PLCB1: variants seen among roughly 807,000 people sequenced by gnomAD.
The protein encoded by PLCB1 is 1-phosphatidylinositol 4,5-bisphosphate phosphodiesterase beta-1.
Under a neutral mutation model 161.8 loss-of-function variants are expected in PLCB1, and 46 were observed. The ratio of observed to expected loss-of-function variants is 0.28; its 90% CI spans 0.22 to 0.36. PLCB1 has a LOEUF of 0.36. PLCB1 is among the 10% of genes least tolerant of loss of function. The probability of loss-of-function intolerance (pLI) is 1.00; values close to 1 mark genes in which losing one functional copy is unlikely to be tolerated. For synonymous variants in PLCB1, 517 were observed against 503.7 expected, an observed-to-expected ratio of 1.03 and a Z score of -0.35; for missense variants, 1,016 against 1,472.5, an observed-to-expected ratio of 0.69 and a Z score of 5.07.
intron 26 of PLCB1, among the ~76,000 whole-genome samples, chr20:8,767,747 A>G (rs1982416612): frequency 6.6e-6 from 1 of 152,180 alleles, no homozygotes; most frequent in Non-Finnish European, 1.5e-5. Context: ...CAGTTCTGGA[A>G]TAGCATTTCA....
At chr20:8,239,864 G>A (rs1244810835) in intron 2 of PLCB1, among the ~76,000 whole-genome samples, 2 of 151,906 alleles carry the variant, frequency 1.3e-5, no homozygotes, top group East Asian at 3.9e-4. Context: ...TGATTTGGAG[G>A]CTGTGTTAAA....
chr20:8,707,663 A>T (rs1337210184), intron 11 of PLCB1, among the ~76,000 whole-genome samples: 1 of 152,202 alleles, frequency 6.6e-6, no homozygotes, highest in Non-Finnish European at 1.5e-5. Context: ...ATTCCCAGAA[A>T]ATCAATCAAG....
At chr20:8,156,580 G>A (rs1370818939) in intron 2 of PLCB1, among the ~76,000 whole-genome samples, 1 of 152,122 alleles carries the variant, frequency 6.6e-6, no homozygotes, top group Non-Finnish European at 1.5e-5. Context: ...TTTATTTGAA[G>A]CCAAGTCTGA....
intron 27 of PLCB1, among the ~76,000 whole-genome samples, chr20:8,783,137 A>C (rs62198264): frequency 0.48 from 49,199 of 102,840 alleles, 8,471 homozygotes; most frequent in East Asian, 0.57. Flanking sequence ...AAACCAGCAA[A>C]AAGTAATTGA....
intron 3 of PLCB1, among the ~76,000 whole-genome samples, chr20:8,441,918 A>G (rs1369975882): frequency 6.6e-6 from 1 of 152,248 alleles, no homozygotes; most frequent in Admixed American, 6.5e-5. Flanking sequence ...GTATCAAGAT[A>G]AATAAATATA....
chr20:8,795,693 T>C (rs1158184128), intron 31 of PLCB1, among the ~76,000 whole-genome samples: 1 of 152,074 alleles, frequency 6.6e-6, no homozygotes, highest in Admixed American at 6.5e-5. Context: ...GTAGGAAACA[T>C]GGGGAAACCC....
At chr20:8,719,027 G>A (rs772625501) in intron 14 of PLCB1, among the ~76,000 whole-genome samples, 9 of 152,084 alleles carry the variant, frequency 5.9e-5, no homozygotes, top group Non-Finnish European at 1.2e-4. Context: ...GATTGCTGTG[G>A]TTGATGAGAA....
chr20:8,589,608 CT>C (rs1431730398), intron 3 of PLCB1, among the ~76,000 whole-genome samples: 2 of 131,318 alleles, frequency 1.5e-5, no homozygotes, highest in Non-Finnish European at 3.2e-5. Flanking sequence ...GTCAATCTCT[CT>C]CTTTTTTTTT....
intron 9 of PLCB1, among the ~76,000 whole-genome samples, chr20:8,671,559 A>C (rs574903652): frequency 6.6e-6 from 1 of 152,224 alleles, no homozygotes; most frequent in Non-Finnish European, 1.5e-5. Flanking sequence ...CCTCTGCCAG[A>C]TGGGTCATTT....
chr20:8,785,668 G>A (rs1381978040), intron 27 of PLCB1, among the ~76,000 whole-genome samples: 1 of 152,148 alleles, frequency 6.6e-6, no homozygotes, highest in African/African-American at 2.4e-5. Flanking sequence ...ACTGACAGTG[G>A]TGTGGAGCCT....
At chr20:8,401,841 C>T (rs1978566665) in intron 3 of PLCB1, among the ~76,000 whole-genome samples, 1 of 152,186 alleles carries the variant, frequency 6.6e-6, no homozygotes, top group Non-Finnish European at 1.5e-5. Flanking sequence ...TTCAAGGAGG[C>T]TGGGACATAC....
At chr20:8,568,766 T>G (rs191818157) in intron 3 of PLCB1, among the ~76,000 whole-genome samples, 20 of 152,246 alleles carry the variant, frequency 1.3e-4, no homozygotes, top group Non-Finnish European at 2.5e-4. Context: ...GATGGCTCTC[T>G]TAAGGTGGAT....
chr20:8,774,244 T>C (rs1312108158), intron 26 of PLCB1, among the ~76,000 whole-genome samples: 2 of 141,036 alleles, frequency 1.4e-5, no homozygotes, highest in African/African-American at 5.3e-5. Context: ...GACACTGTTT[T>C]TCCCAAACGG....
At chr20:8,557,156 A>T (rs1985991802) in intron 3 of PLCB1, among the ~76,000 whole-genome samples, 1 of 151,834 alleles carries the variant, frequency 6.6e-6, no homozygotes, top group South Asian at 2.1e-4. Flanking sequence ...TCAAAAATAA[A>T]CATAGAGTTA....
chr20:8,780,046 A>T (rs1374434957), intron 27 of PLCB1, among the ~76,000 whole-genome samples: 1 of 152,190 alleles, frequency 6.6e-6, no homozygotes, highest in East Asian at 1.9e-4. Flanking sequence ...CCAGGTAAGG[A>T]CTTTTGCTCC....
intron 27 of PLCB1, among the ~76,000 whole-genome samples, chr20:8,787,350 G>T (rs1983538867): frequency 6.6e-6 from 1 of 152,194 alleles, no homozygotes; most frequent in African/African-American, 2.4e-5. Context: ...CAGTGAGCAG[G>T]CCCGTTGCAG....
chr20:8,160,564 A>G (rs910068335), intron 2 of PLCB1, among the ~76,000 whole-genome samples: 3 of 152,168 alleles, frequency 2.0e-5, no homozygotes, highest in African/African-American at 7.2e-5. Flanking sequence ...CTTCTACGGG[A>G]AACTCCCATT....
chr20:8,783,611 T>G lies in PLCB1; in HGVS notation c.3112-4838T>G, dbSNP rs142623199. On this transcript the variant is annotated intron_variant, in intron 27 of 31. Coordinates refer to ENST00000338037, the MANE Select transcript of PLCB1 (RefSeq NM_015192.4). ...CCACAGAATTCCATGCTGGACTAAC[T>G]TAGGCCAGAAGGGTATATACTAGAA... is the stretch of plus-strand genomic sequence containing the variant. Among the ~76,000 whole-genome samples the G allele has an allele frequency of 9.3e-4, 142 of 152,204 alleles. 5 individuals carry two copies. In the East Asian group the frequency reaches 0.024, roughly 26 times the overall value.
intron 2 of PLCB1, among the ~76,000 whole-genome samples, chr20:8,224,273 A>C (rs1437369717): frequency 6.6e-6 from 1 of 152,174 alleles, no homozygotes; most frequent in Admixed American, 6.6e-5. Context: ...TATAAATTAA[A>C]AATGATCGTA....
Sources: allele counts gnomAD v4.1 joint callset (sites outside exome capture counted in the v4.1 genomes callset), GRCh38; gene constraint gnomAD v4.1.1; transcripts MANE v1.5; gene names NCBI Gene and HGNC (gene_info 2026-07-23, HGNC 2026-07-21).